Variants in GRIP1 observed in about 807,000 individuals in gnomAD.
The protein encoded by GRIP1 is glutamate receptor interacting protein 1, also known as glutamate receptor-interacting protein 1.
In GRIP1, 45 loss-of-function variants were observed where a neutral mutation model predicts 129.9. That is an observed-to-expected ratio of 0.35 (90% CI 0.27 to 0.44). The LOEUF (loss-of-function observed/expected upper bound fraction) is 0.44. Among genes scored for constraint, GRIP1 ranks in the 20% least tolerant of loss-of-function variants. GRIP1 has a pLI of 1.00. For missense variants in GRIP1, 1,196 were observed against 1,396.8 expected (o/e 0.86, Z 2.29); for synonymous variants, 530 against 520.8 (o/e 1.02, Z -0.24).
chr12:67,068,629 G>A (rs2043673563), intron 1 of GRIP1, among the ~76,000 whole-genome samples: 2 of 152,148 alleles, frequency 1.3e-5, no homozygotes, highest in South Asian at 2.1e-4. Flanking sequence ...GGCCGCGGGA[G>A]GTGGAGGAAA....
intron 19 of GRIP1, among the ~76,000 whole-genome samples, chr12:66,385,188 A>G (rs899514786): frequency 8.5e-5 from 13 of 152,228 alleles, no homozygotes; most frequent in Non-Finnish European, 5.9e-5. Flanking sequence ...TTAAAAATTG[A>G]TAAAATAAAT....
At chr12:66,657,970 A>G (rs986599117) in intron 1 of GRIP1, among the ~76,000 whole-genome samples, 9 of 152,238 alleles carry the variant, frequency 5.9e-5, no homozygotes, top group Non-Finnish European at 8.8e-5. Flanking sequence ...AGGTATTTTA[A>G]ACTTTATTAG....
At chr12:66,524,151 T>C (rs1451064181) in intron 5 of GRIP1, among the ~76,000 whole-genome samples, 3 of 152,150 alleles carry the variant, frequency 2.0e-5, no homozygotes, top group Non-Finnish European at 2.9e-5. Context: ...TACCCAGGAA[T>C]TGAACTCAGC....
At chr12:67,068,992 C>T (rs1343011316) in intron 1 of GRIP1, 1 of 843,126 alleles carries the variant, frequency 1.2e-6, no homozygotes, top group Non-Finnish European at 1.4e-6. Flanking sequence ...GAGGGAGGCA[C>T]CGGGCGGCCC....
chr12:66,573,060 ATGTATATATGTCGGCATATATATGT>A (rs752382193), intron 2 of GRIP1, among the ~76,000 whole-genome samples: 1 of 151,270 alleles, frequency 6.6e-6, no homozygotes, highest in East Asian at 1.9e-4. Flanking sequence ...CATATAACAT[ATGTATATATGTCGGCATATATATGT>A]TGTATATATG....
intron 2 of GRIP1, among the ~76,000 whole-genome samples, chr12:66,588,551 T>C (rs1368784313): frequency 7.2e-5 from 11 of 152,204 alleles, no homozygotes; most frequent in Admixed American, 7.2e-4. Context: ...AAGGATTCTC[T>C]TCACCACCTT....
At chr12:66,965,305 T>A (rs1202091739) in intron 1 of GRIP1, among the ~76,000 whole-genome samples, 1 of 152,118 alleles carries the variant, frequency 6.6e-6, no homozygotes, top group Non-Finnish European at 1.5e-5. Context: ...AGAGATGAAA[T>A]CTACTTAAGC....
intron 7 of GRIP1, among the ~76,000 whole-genome samples, chr12:66,485,420 T>TA (rs1232730431): frequency 2.6e-5 from 4 of 150,950 alleles, no homozygotes; most frequent in Admixed American, 2.6e-4. Flanking sequence ...ATATATAATT[T>TA]AAAAAATAAT....
At position 66,349,191 on chromosome 12, in the gene GRIP1, G is replaced by C. The variant is rs750696929; in HGVS notation, c.3215C>G (p.Ala1072Gly). 3 of 1,614,106 alleles carry C rather than the reference G, an allele frequency of 1.9e-6. No homozygotes were observed. Among genetic ancestry groups the C allele is most frequent in the Non-Finnish European group, 8.5e-7 (1 of 1,180,010 alleles). The stretch of plus-strand genomic sequence containing the variant: ...CAGGTCCAGCTTATTCCCGGATTCT[G>C]CTATGAGGGGCACAACAAGGCAGCA... ...FDCCLVVPLIAESGNKLDLVI... is the reference protein window; with the variant it reads ...FDCCLVVPLIGESGNKLDLVI... The change falls in exon 25 of 25, where the codon GCA becomes GGA. Residue 1072 changes from alanine to glycine, a missense_variant. Ala to Gly is a moderately conservative substitution (Grantham distance 60). Coordinates refer to ENST00000359742, the MANE Select transcript of GRIP1 (RefSeq NM_001366722.1).
At chr12:66,563,178 CTG>C (rs916631817) in intron 2 of GRIP1, among the ~76,000 whole-genome samples, 3 of 151,584 alleles carry the variant, frequency 2.0e-5, no homozygotes, top group East Asian at 1.9e-4. Context: ...ACTATATACA[CTG>C]TGTGTGTGTA....
At chr12:66,945,534 C>A (rs4913514) in intron 1 of GRIP1, among the ~76,000 whole-genome samples, 37,755 of 151,188 alleles carry the variant, frequency 0.25, 4,820 homozygotes, top group East Asian at 0.31. Flanking sequence ...AGTCCTCTCA[C>A]ATGGCAAAGG....
chr12:66,907,265 C>T (rs1341889177), intron 1 of GRIP1, among the ~76,000 whole-genome samples: 2 of 152,034 alleles, frequency 1.3e-5, no homozygotes, highest in Non-Finnish European at 2.9e-5. Context: ...TGAACTGGGT[C>T]GGGGAAAATA....
chr12:66,490,212 C>T (rs1464909701), intron 7 of GRIP1, among the ~76,000 whole-genome samples: 1 of 151,908 alleles, frequency 6.6e-6, no homozygotes, highest in East Asian at 1.9e-4. Context: ...GGCATCATAC[C>T]ACCCAAGTTC....
chr12:66,853,906 GAATA>G (rs1487082357), intron 1 of GRIP1, among the ~76,000 whole-genome samples: 1 of 151,902 alleles, frequency 6.6e-6, no homozygotes, highest in Non-Finnish European at 1.5e-5. Context: ...TCTTTTTAAA[GAATA>G]GATACTAAAA....
intron 1 of GRIP1, among the ~76,000 whole-genome samples, chr12:66,908,994 A>G (rs1410818111): frequency 1.3e-5 from 2 of 152,084 alleles, no homozygotes; most frequent in Non-Finnish European, 2.9e-5. Flanking sequence ...CCAGCACCAA[A>G]CACCTCTTTC....
rs576821798 is a variant in GRIP1 at position 66,922,057 on chromosome 12, C to T, written c.58+146993G>A. ...ATGCTTGTTTCAAAAGTGTTTATTT[C>T]ACCTTATCTATTTGTAAAGGATGTA... On this transcript the variant is annotated intron_variant, in intron 1 of 1. Coordinates refer to the GRIP1 transcript ENST00000643019. Among the ~76,000 whole-genome samples the T allele has an allele frequency of 9.3e-4, 142 of 152,278 alleles. 1 individual carries two copies. Among genetic ancestry groups the T allele is most frequent in the African/African-American group, 3.2e-3 (135 of 41,544 alleles).
intron 1 of GRIP1, among the ~76,000 whole-genome samples, chr12:66,908,111 G>T (rs1372963574): frequency 6.6e-6 from 1 of 151,984 alleles, no homozygotes; most frequent in Non-Finnish European, 1.5e-5. Context: ...TTTTTATTTT[G>T]AATTACATCA....
chr12:66,364,477 A>G (rs1409226160), intron 23 of GRIP1, among the ~76,000 whole-genome samples: 1 of 152,002 alleles, frequency 6.6e-6, no homozygotes, highest in Non-Finnish European at 1.5e-5. Context: ...TTTTGCCCAC[A>G]AGGAAATTCC....
At position 66,508,049 on chromosome 12, in the gene GRIP1, G is replaced by A. The variant is rs151317301; in HGVS notation, c.724+7570C>T. On this transcript the variant is annotated intron_variant, in intron 7 of 24. Transcript: ENST00000359742. ...AAAGGTTTGAAGCTGAGCAAGGAAAGTAACAGCTAAAGGGAAAGACAGAGA... is the reference window on the plus strand; with the variant it reads ...AAAGGTTTGAAGCTGAGCAAGGAAAATAACAGCTAAAGGGAAAGACAGAGA... 5.3e-5 allele frequency among the ~76,000 whole-genome samples: 8 copies of A among 152,262 alleles called. No individual in the cohort carries two copies. In the East Asian group the frequency reaches 1.5e-3, roughly 29 times the overall value.
Sources: allele counts gnomAD v4.1 joint callset (sites outside exome capture counted in the v4.1 genomes callset), GRCh38; gene constraint gnomAD v4.1.1; transcripts MANE v1.5; gene names NCBI Gene and HGNC (gene_info 2026-07-23, HGNC 2026-07-21).